KYNU: variants seen among roughly 807,000 people sequenced by gnomAD.
KYNU encodes kynureninase.
In KYNU, 54 loss-of-function variants were observed where a neutral mutation model predicts 59.2. The observed-to-expected ratio is 0.91, with a 90% CI of 0.73 to 1.14. KYNU has a LOEUF of 1.14. Among genes scored for constraint, KYNU ranks in the 50% most tolerant of loss-of-function variants. KYNU has a pLI of 0.00. For missense variants in KYNU, 567 were observed against 554.4 expected (o/e 1.02, Z -0.23); for synonymous variants, 177 against 192.0 (o/e 0.92, Z 0.65).
At chr2:142,883,346 C>A (rs548138593) in intron 1 of KYNU, among the ~76,000 whole-genome samples, 11 of 151,722 alleles carry the variant, frequency 7.3e-5, no homozygotes, top group Non-Finnish European at 1.3e-4. Context: ...AGGCGCCCGC[C>A]ACCTCGCACG....
In KYNU at chr2:143,048,330, T is replaced by C. The variant is rs1335621924; in HGVS notation, c.*6158T>C. 2 of 152,174 alleles carry C rather than the reference T, an allele frequency of 1.3e-5. No individual in the cohort carries two copies. Among genetic ancestry groups the C allele is most frequent in the Non-Finnish European group, 2.9e-5 (2 of 68,026 alleles). The allele number at this position is 152,174 out of a possible 1,614,324, so 9.4% of individuals were successfully genotyped here. ...ATGCAAATATAATGAAGTTTAGAAT[T>C]AGCCATTTTTTATAACTCTCCTTCT... On this transcript the variant is annotated 3_prime_UTR_variant, in exon 14 of 14. Coordinates refer to ENST00000264170, the MANE Select transcript of KYNU (RefSeq NM_003937.3).
chr2:142,904,060 T>G (rs948851351), intron 2 of KYNU, among the ~76,000 whole-genome samples: 178 of 152,320 alleles, frequency 1.2e-3, no homozygotes, highest in African/African-American at 4.1e-3. Flanking sequence ...AGTTTTGCTC[T>G]GGGCCTAAGG....
chr2:142,925,172 T>C (rs1683009070), intron 3 of KYNU, among the ~76,000 whole-genome samples: 1 of 152,098 alleles, frequency 6.6e-6, no homozygotes. Flanking sequence ...GTGATGAAAA[T>C]AAAAAAGGAT....
intron 10 of KYNU, among the ~76,000 whole-genome samples, chr2:142,998,680 T>G (rs1335059905): frequency 6.6e-6 from 1 of 151,946 alleles, no homozygotes; most frequent in Non-Finnish European, 1.5e-5. Flanking sequence ...AAAAGAACAT[T>G]TGTTTGAGGG....
intron 10 of KYNU, among the ~76,000 whole-genome samples, chr2:143,028,497 C>T (rs1458476400): frequency 6.7e-6 from 1 of 149,326 alleles, no homozygotes; most frequent in Non-Finnish European, 1.5e-5. Flanking sequence ...CCGCCTTGGC[C>T]TCCCAAAGTG....
Position 142,918,628 on chromosome 2 carries a change from T to G in KYNU, c.189T>G (p.Asn63Lys), listed in dbSNP as rs201592797. Reference protein sequence around the residue: ...DLPPVDLSLVNKDENAIYFLG... With the variant: ...DLPPVDLSLVKKDENAIYFLG... ...TTTCAGTTGATTTATCATTAGTGAA[T>G]AAAGATGAAAATGCCATCTATTTCT... Residue 63 changes from asparagine to lysine, a missense_variant, in exon 3 of 14, where the codon AAT (asparagine) becomes AAG (lysine). Asn to Lys is a moderately conservative substitution (Grantham distance 94, BLOSUM62 0). Transcript: ENST00000264170. 118 of 1,596,970 alleles carry G rather than the reference T, an allele frequency of 7.4e-5. 2 individuals carry two copies. Among genetic ancestry groups the G allele is most frequent in the South Asian group, 1.0e-4 (9 of 88,850 alleles).
In KYNU at chr2:143,036,041, C is replaced by G. The variant is rs560280679; in HGVS notation, c.1041+2720C>G. On this transcript the variant is annotated intron_variant, in intron 12 of 13. Coordinates refer to ENST00000264170, the MANE Select transcript of KYNU (RefSeq NM_003937.3). ...CTCCTGAGTAGCTAAGACTACAGGG[C>G]ATGCCACTGTGCTCAGCTTATTTTT... Among the ~76,000 whole-genome samples the G allele has an allele frequency of 7.2e-5, 11 of 152,078 alleles. 1 individual carries two copies. The highest frequency in any genetic ancestry group is 2.4e-4 in the African/African-American group (10 of 41,492).
At chr2:142,932,798 CG>C (rs1018469625) in intron 4 of KYNU, among the ~76,000 whole-genome samples, 57 of 152,064 alleles carry the variant, frequency 3.7e-4, no homozygotes, top group African/African-American at 1.3e-3. Context: ...GCCAGCATGC[CG>C]GCGTCCTTGC....
At chr2:142,967,882 C>T (rs886722417) in intron 8 of KYNU, among the ~76,000 whole-genome samples, 4 of 152,032 alleles carry the variant, frequency 2.6e-5, no homozygotes, top group African/African-American at 9.7e-5. Context: ...GATATCAGAA[C>T]TTGAGCAATT....
In KYNU at chr2:143,052,009, T is replaced by G. The variant is rs1687275331; in HGVS notation, c.*9837T>G. 1 of 152,382 alleles carries G rather than the reference T, an allele frequency of 6.6e-6. No individual in the cohort carries two copies. Among genetic ancestry groups the G allele is most frequent in the Non-Finnish European group, 1.5e-5 (1 of 68,186 alleles). 9.4% of individuals were successfully genotyped at this position (152,382 alleles called of 1,614,324 possible). A position where few individuals can be genotyped will look rare whatever the true frequency, so the allele number is the denominator to read the frequency against. The stretch of plus-strand genomic sequence containing the variant: ...TTTAACCAAAATGCTGATAATAATA[T>G]GAACAATGAAGTCCAGGCTGAGGTG... On this transcript the variant is annotated 3_prime_UTR_variant, in exon 14 of 14. Transcript: ENST00000264170.
intron 10 of KYNU, among the ~76,000 whole-genome samples, chr2:143,004,726 A>T (rs1558970273): frequency 6.6e-6 from 1 of 152,114 alleles, no homozygotes; most frequent in African/African-American, 2.4e-5. Context: ...GGCAATATTC[A>T]TTTTTCCTCC....
chr2:143,016,294 A>G (rs1343032384), intron 10 of KYNU, among the ~76,000 whole-genome samples: 1 of 152,154 alleles, frequency 6.6e-6, no homozygotes, highest in African/African-American at 2.4e-5. Context: ...CTGTATTTCA[A>G]ATTCTGTTTT....
chr2:143,051,462 T>A lies in KYNU; in HGVS notation c.*9290T>A, dbSNP rs1300643067. On this transcript the variant is annotated 3_prime_UTR_variant, in exon 14 of 14. Coordinates refer to ENST00000264170, the MANE Select transcript of KYNU (RefSeq NM_003937.3). ...ACATATTTTAAAAATATAAATTATA[T>A]TTTTATTTCATAGTGGTATTTTCAA... 6.6e-6 allele frequency: 1 copy of A among 152,106 alleles called. No individual in the cohort carries two copies. Among genetic ancestry groups the A allele is most frequent in the Non-Finnish European group, 1.5e-5 (1 of 68,024 alleles). The allele number at this position is 152,106 out of a possible 1,614,324, so 9.4% of individuals were successfully genotyped here. A position where few individuals can be genotyped will look rare whatever the true frequency, so the allele number is the denominator to read the frequency against.
chr2:142,992,633 T>C (rs1685432810), intron 10 of KYNU, among the ~76,000 whole-genome samples: 1 of 151,920 alleles, frequency 6.6e-6, no homozygotes, highest in East Asian at 1.9e-4. Context: ...TGTGTATACA[T>C]ACACACACAC....
intron 8 of KYNU, among the ~76,000 whole-genome samples, chr2:142,969,522 G>T (rs1684652916): frequency 6.6e-6 from 1 of 152,218 alleles, no homozygotes; most frequent in African/African-American, 2.4e-5. Flanking sequence ...GTGAGGATCA[G>T]TGCCCAAGAA....
chr2:142,906,212 T>C (rs1027266457), intron 2 of KYNU, among the ~76,000 whole-genome samples: 19 of 152,238 alleles, frequency 1.2e-4, no homozygotes, highest in African/African-American at 4.6e-4. Context: ...CCCTTTAGTT[T>C]ACTCAATTTG....
chr2:142,985,272 T>A (rs914263030), intron 9 of KYNU, 90 bp downstream of exon 9: 1 of 788,788 alleles, frequency 1.3e-6, no homozygotes, highest in Non-Finnish European at 2.3e-6. Flanking sequence ...ATTTTAAAGA[T>A]TTGAGTTACT....
chr2:142,986,460 G>C (rs1360324262), intron 10 of KYNU, among the ~76,000 whole-genome samples: 1 of 151,860 alleles, frequency 6.6e-6, no homozygotes, highest in East Asian at 1.9e-4. Context: ...AATGTTACAT[G>C]ATAGCTTGTA....
chr2:142,989,503 A>G, intron 10 of KYNU: 1 of 984,604 alleles, frequency 1.0e-6, no homozygotes, highest in Non-Finnish European at 1.2e-6. Flanking sequence ...TCTAGTGGCT[A>G]AACATGTTAT....
Sources: allele counts gnomAD v4.1 joint callset (sites outside exome capture counted in the v4.1 genomes callset), GRCh38; gene constraint gnomAD v4.1.1; transcripts MANE v1.5; gene names NCBI Gene and HGNC (gene_info 2026-07-23, HGNC 2026-07-21).